The following STPG1 variants were observed in gnomAD, a reference collection of about 807,000 sequenced individuals.
The protein encoded by STPG1 is O(6)-methylguanine-induced apoptosis 2.
Under a neutral mutation model 40.1 loss-of-function variants are expected in STPG1, and 33 were observed. That is an observed-to-expected ratio of 0.82 (90% CI 0.62 to 1.10). The LOEUF (loss-of-function observed/expected upper bound fraction) is 1.10, where lower values mean the gene tolerates loss of function less well. Ranked by LOEUF, STPG1 falls within the 50% of genes least tolerant of loss-of-function variation. The pLI, the probability that STPG1 is intolerant of heterozygous loss-of-function variation, is 0.00. For synonymous variants in STPG1, 150 were observed against 155.0 expected (o/e 0.97, Z 0.24); for missense variants, 396 against 415.1 (o/e 0.95, Z 0.40).
chr1:24,401,907 G>A (rs1215240069), intron 1 of STPG1, among the ~76,000 whole-genome samples: 3 of 151,976 alleles, frequency 2.0e-5, no homozygotes, highest in Admixed American at 6.6e-5. Flanking sequence ...GGCTGGTCTC[G>A]AACTCCTGAC....
At position 24,399,414 on chromosome 1, in the gene STPG1, A is replaced by G. The variant is rs1643129853; in HGVS notation, c.70+1905T>C. On this transcript the variant is annotated intron_variant, in intron 2 of 8. Transcript: ENST00000337248. The surrounding 1 kb of genome is among the most constrained non-coding windows in gnomAD (Gnocchi z 4.0). ...CTCAATCAAAAACAATTTCAAGTGA[A>G]TTGTAGATCTAGATGTAAAAGGTAA... Among the ~76,000 whole-genome samples the G allele has an allele frequency of 6.6e-6, 1 of 152,176 alleles. No individual in the cohort carries two copies. Among genetic ancestry groups the G allele is most frequent in the South Asian group, 2.1e-4 (1 of 4,830 alleles).
intron 4 of STPG1, among the ~76,000 whole-genome samples, chr1:24,382,375 C>T (rs1642324650): frequency 6.6e-6 from 1 of 152,196 alleles, no homozygotes; most frequent in African/African-American, 2.4e-5. Context: ...GTTTATAATG[C>T]TTTGCTGTTT....
At chr1:24,382,393 C>T (rs12087313) in intron 4 of STPG1, among the ~76,000 whole-genome samples, 65,738 of 152,064 alleles carry the variant, frequency 0.43, 15,352 homozygotes, top group African/African-American at 0.62. Context: ...TTTCAAAGAG[C>T]ATTTCACTCA....
chr1:24,412,492 ACTT>A (rs1643736491), intron 1 of STPG1, among the ~76,000 whole-genome samples: 1 of 148,818 alleles, frequency 6.7e-6, no homozygotes, highest in African/African-American at 2.5e-5. Flanking sequence ...TATGTTTATT[ACTT>A]TATTTGTTTA....
At chr1:24,395,781 T>C (rs1018124790) in intron 2 of STPG1, among the ~76,000 whole-genome samples, 4 of 152,146 alleles carry the variant, frequency 2.6e-5, no homozygotes, top group African/African-American at 9.7e-5. Context: ...TAATGATTAC[T>C]GGCCGGGTGT....
In STPG1 at chr1:24,359,448, G is replaced by T. The variant is rs368254684; in HGVS notation, c.929-829C>A. Among the ~76,000 whole-genome samples, 1 of 152,178 alleles carries T rather than the reference G, an allele frequency of 6.6e-6. No homozygotes were observed. Among genetic ancestry groups the T allele is most frequent in the Non-Finnish European group, 1.5e-5 (1 of 68,036 alleles). On this transcript the variant is annotated intron_variant, in intron 8 of 8. Coordinates refer to ENST00000337248, the MANE Select transcript of STPG1 (RefSeq NM_001199013.2). This position sits in a 1 kb window ranked among gnomAD's most constrained non-coding sequence, Gnocchi z 5.3. ...ATGTTTGCAATGCTGAGTTCTCCTC[G>T]ACTGACTAGATGAGCCCCAGATCAA... is the stretch of plus-strand genomic sequence containing the variant.
chr1:24,370,649 G>T (rs1209046497), intron 6 of STPG1, among the ~76,000 whole-genome samples: 1 of 151,990 alleles, frequency 6.6e-6, no homozygotes, highest in Non-Finnish European at 1.5e-5. Flanking sequence ...CCACCACCAC[G>T]CCTGGCTAAT....
chr1:24,382,588 C>A (rs1642335035), intron 4 of STPG1, among the ~76,000 whole-genome samples: 1 of 152,126 alleles, frequency 6.6e-6, no homozygotes, highest in Admixed American at 6.6e-5. Flanking sequence ...TCTTTCCTAG[C>A]AGAGCTGGTG....
At chr1:24,412,279 G>T (rs1173401780) in intron 1 of STPG1, among the ~76,000 whole-genome samples, 1 of 152,106 alleles carries the variant, frequency 6.6e-6, no homozygotes, top group Admixed American at 6.5e-5. Context: ...ATATCTCCTT[G>T]CTGCATGGGG....
At chr1:24,375,088 C>A (rs978205104) in intron 5 of STPG1, among the ~76,000 whole-genome samples, 1 of 152,134 alleles carries the variant, frequency 6.6e-6, no homozygotes, top group African/African-American at 2.4e-5. Context: ...GCAAGCATTC[C>A]CTTGTCTCAA....
Position 24,369,729 on chromosome 1 carries a change from G to C in STPG1, c.682C>G (p.Pro228Ala). ...CAATCACTGGGGTTGTAATAACCAG[G>C]TCCCGGGCCTGTTGACGTCAGTTTT... ...GLKLTSTGPG[P>A]GYYNPSDCTK... The change falls in exon 7 of 9, where the codon CCT (proline) becomes GCT (alanine). Residue 228 changes from proline to alanine, a missense_variant. Pro to Ala is a conservative substitution (Grantham distance 27). Coordinates refer to ENST00000337248, the MANE Select transcript of STPG1 (RefSeq NM_001199013.2). 1 of 1,612,420 alleles carries C rather than the reference G, an allele frequency of 6.2e-7. No individual in the cohort carries two copies. Among genetic ancestry groups the C allele is most frequent in the Non-Finnish European group, 8.5e-7 (1 of 1,178,734 alleles).
chr1:24,414,475 C>T (rs1643920544), upstream of STPG1: 2 of 151,824 alleles, frequency 1.3e-5, no homozygotes, highest in African/African-American at 2.4e-5. Flanking sequence ...GACCTTGTCA[C>T]TCCCCTGCTT....
intron 6 of STPG1, among the ~76,000 whole-genome samples, chr1:24,371,934 T>C (rs1281532542): frequency 1.3e-5 from 2 of 152,082 alleles, no homozygotes; most frequent in Non-Finnish European, 2.9e-5. Flanking sequence ...TCCCAGCACT[T>C]TGGGAGGCCG....
In STPG1 at chr1:24,389,920, T is replaced by G. The variant is rs184509906; in HGVS notation, c.189+1641A>C. Among the ~76,000 whole-genome samples the G allele has an allele frequency of 1.4e-3, 215 of 152,356 alleles. 1 individual carries two copies. Among genetic ancestry groups the G allele is most frequent in the Non-Finnish European group, 2.5e-3 (173 of 68,026 alleles). ...TACACTCTATTCTTTATTATTTGCT[T>G]TCTTAGAATCCTAAAATATCAGAAG... On this transcript the variant is annotated intron_variant, in intron 3 of 8. Transcript: ENST00000337248.
chr1:24,396,299 C>CATCTATCT (rs1553126267), intron 2 of STPG1, among the ~76,000 whole-genome samples: 2 of 144,356 alleles, frequency 1.4e-5, no homozygotes, highest in African/African-American at 5.7e-5. Context: ...ATCTATCTAT[C>CATCTATCT]ATCTATCTAT....
rs1217396645 is a variant in STPG1, at chr1:24,359,462, G to A, written c.929-843C>T. ...GAGTTCTCCTCGACTGACTAGATGA[G>A]CCCCAGATCAAACCTCTACAGCCTT... On this transcript the variant is annotated intron_variant, in intron 8 of 8. Transcript: ENST00000337248. This position sits in a 1 kb window ranked among gnomAD's most constrained non-coding sequence, Gnocchi z 5.3. Among the ~76,000 whole-genome samples the A allele has an allele frequency of 1.3e-5, 2 of 152,216 alleles. No homozygotes were observed. Among genetic ancestry groups the A allele is most frequent in the East Asian group, 3.9e-4 (2 of 5,192 alleles).
intron 7 of STPG1, among the ~76,000 whole-genome samples, chr1:24,361,786 G>A (rs1013727289): frequency 2.0e-5 from 3 of 152,124 alleles, no homozygotes; most frequent in Non-Finnish European, 2.9e-5. Flanking sequence ...ATGAAAGACC[G>A]GACCTGTACT....
At chr1:24,369,129 G>A in intron 7 of STPG1, 1 of 341,370 alleles carries the variant, frequency 2.9e-6, no homozygotes, top group Admixed American at 4.4e-5. Flanking sequence ...CATAAAAACA[G>A]CAGAGCTGAA....
intron 5 of STPG1, among the ~76,000 whole-genome samples, chr1:24,376,631 T>C (rs193137433): frequency 3.9e-5 from 6 of 152,234 alleles, no homozygotes; most frequent in African/African-American, 1.4e-4. Flanking sequence ...TGCTGGGCAT[T>C]GGAGACAGGA....
Sources: allele counts gnomAD v4.1 joint callset (sites outside exome capture counted in the v4.1 genomes callset), GRCh38; gene constraint gnomAD v4.1.1; non-coding constraint Gnocchi (gnomAD v3.1); transcripts MANE v1.5; gene names NCBI Gene and HGNC (gene_info 2026-07-23, HGNC 2026-07-21).